ADAMTS16: variants seen among roughly 807,000 people sequenced by gnomAD.
The protein encoded by ADAMTS16 is ADAM metallopeptidase with thrombospondin type 1 motif 16.
ADAMTS16 carries 94 observed loss-of-function variants against 145.8 expected under a neutral mutation model. That is an observed-to-expected ratio of 0.64 (90% CI 0.55 to 0.77). The LOEUF is 0.77. ADAMTS16 is among the 30% of genes least tolerant of loss of function. ADAMTS16 has a pLI of 0.00. For synonymous variants in ADAMTS16, 659 were observed against 604.3 expected (o/e 1.09, Z -1.33); for missense variants, 1,585 against 1,591.5 (o/e 1.00, Z 0.07).
intron 3 of ADAMTS16, among the ~76,000 whole-genome samples, chr5:5,174,991 AT>A (rs1401518784): frequency 6.6e-6 from 1 of 152,196 alleles, no homozygotes; most frequent in East Asian, 1.9e-4. Flanking sequence ...AAAGCCTGGA[AT>A]TGGTACCTAA....
chr5:5,164,063 G>A lies in ADAMTS16; in HGVS notation c.501+17608G>A, dbSNP rs144973966. 3.0e-3 allele frequency among the ~76,000 whole-genome samples: 457 copies of A among 152,344 alleles called. 1 individual carries two copies. Among genetic ancestry groups the A allele is most frequent in the African/African-American group, 0.01 (433 of 41,580 alleles). On this transcript the variant is annotated intron_variant, in intron 3 of 22. Transcript: ENST00000274181. Reference sequence around the variant, plus strand: ...TATTTGGGGAAGGAAGATCTTCTGAGATGATTCCCACAGACAAGAGTTCTG... The same window carrying A: ...TATTTGGGGAAGGAAGATCTTCTGAAATGATTCCCACAGACAAGAGTTCTG...
In ADAMTS16 at chr5:5,303,457, G is replaced by A. The variant is rs750418559; in HGVS notation, c.2979G>A (p.Gly993=). The change falls in exon 19 of 23, where the codon GGG becomes GGA. Residue 993 remains glycine, a synonymous_variant. Transcript: ENST00000274181. The part of the protein sequence containing the change: ...SQSCPPAWSA[G]PWAECSHTCG... Reference sequence around the variant, plus strand: ...GCTGCCCACCTGCATGGAGCGCCGGGCCCTGGGCAGAGGTAACCAGGGTGG... The same window carrying A: ...GCTGCCCACCTGCATGGAGCGCCGGACCCTGGGCAGAGGTAACCAGGGTGG... The A allele has an allele frequency of 2.5e-6, 4 of 1,610,854 alleles. No individual in the cohort carries two copies. In the South Asian group the frequency reaches 4.4e-5, roughly 18 times the overall value.
intron 18 of ADAMTS16, among the ~76,000 whole-genome samples, chr5:5,287,050 C>G (rs991923064): frequency 6.6e-6 from 1 of 151,984 alleles, no homozygotes; most frequent in African/African-American, 2.4e-5. Context: ...GGAACAGGAG[C>G]CAGGAGGTTA....
At chr5:5,212,189 G>A (rs1348920656) in intron 10 of ADAMTS16, among the ~76,000 whole-genome samples, 54 of 98,808 alleles carry the variant, frequency 5.5e-4, no homozygotes, top group African/African-American at 1.5e-3. Flanking sequence ...TAGTTTCTGG[G>A]GTTTTTTTTG....
At chr5:5,186,993 G>A (rs548487731) in intron 5 of ADAMTS16, among the ~76,000 whole-genome samples, 11 of 152,212 alleles carry the variant, frequency 7.2e-5, no homozygotes, top group South Asian at 4.2e-4. Flanking sequence ...GTTATTTTTG[G>A]TAGACTGAAC....
At chr5:5,285,123 A>G (rs1366629761) in intron 18 of ADAMTS16, among the ~76,000 whole-genome samples, 1 of 152,234 alleles carries the variant, frequency 6.6e-6, no homozygotes, top group Non-Finnish European at 1.5e-5. Context: ...TTTAAGATAA[A>G]AAAGAAGTTT....
chr5:5,307,840 T>G (rs530586125), intron 21 of ADAMTS16, among the ~76,000 whole-genome samples: 226 of 152,280 alleles, frequency 1.5e-3, no homozygotes, highest in Middle Eastern at 3.4e-3. Context: ...GAATAGTCAC[T>G]GCACTGGGGT....
rs781549533 is a variant in ADAMTS16 at position 5,222,379 on chromosome 5, C to T, written c.1606-410C>T. On this transcript the variant is annotated intron_variant, in intron 10 of 22. Transcript: ENST00000274181. Reference sequence around the variant, plus strand: ...TGGACAAGTGAACAAGCATCCTAAACATCCTTAATTTAAAAATAAGAATTC... The same window carrying T: ...TGGACAAGTGAACAAGCATCCTAAATATCCTTAATTTAAAAATAAGAATTC... Among the ~76,000 whole-genome samples the T allele has an allele frequency of 2.0e-5, 3 of 151,884 alleles. No homozygotes were observed. The East Asian group carries it at 5.8e-4, about 29-fold the overall frequency.
At chr5:5,272,993 T>A (rs968811724) in intron 18 of ADAMTS16, among the ~76,000 whole-genome samples, 2 of 152,134 alleles carry the variant, frequency 1.3e-5, no homozygotes, top group African/African-American at 4.8e-5. Flanking sequence ...GAAGTAACCA[T>A]GAGGGGCCCT....
chr5:5,171,726 G>A (rs1263374213), intron 3 of ADAMTS16, among the ~76,000 whole-genome samples: 6 of 152,072 alleles, frequency 3.9e-5, no homozygotes, highest in South Asian at 2.1e-4. Context: ...TTGGCTTGTC[G>A]TTTCCTTTTT....
At chr5:5,254,926 G>A (rs4702253) in intron 17 of ADAMTS16, among the ~76,000 whole-genome samples, 4,663 of 152,046 alleles carry the variant, frequency 0.031, 177 homozygotes, top group East Asian at 0.16. Flanking sequence ...TAATAGCTTT[G>A]GTGTTAACTA....
intron 17 of ADAMTS16, among the ~76,000 whole-genome samples, chr5:5,250,214 C>A (rs1190500275): frequency 2.0e-5 from 3 of 152,160 alleles, no homozygotes; most frequent in Non-Finnish European, 2.9e-5. Flanking sequence ...AGGAACCTGC[C>A]ATCTTCTACC....
intron 3 of ADAMTS16, among the ~76,000 whole-genome samples, chr5:5,180,114 C>T (rs531423545): frequency 4.6e-5 from 7 of 152,204 alleles, no homozygotes; most frequent in Admixed American, 3.3e-4. Flanking sequence ...GAACTCTCCC[C>T]GCAACTCCCA....
intron 11 of ADAMTS16, 77 bp downstream of exon 11, chr5:5,222,961 T>C (rs543577639): frequency 1.7e-4 from 215 of 1,270,892 alleles, no homozygotes; most frequent in Admixed American, 6.8e-4. Context: ...TCCTCTTGCA[T>C]AGGTATTTTT....
At chr5:5,217,348 A>T (rs571008378) in intron 10 of ADAMTS16, among the ~76,000 whole-genome samples, 2 of 152,278 alleles carry the variant, frequency 1.3e-5, no homozygotes, top group Non-Finnish European at 2.9e-5. Context: ...AAAATTGACA[A>T]ATGGGATCTA....
At chr5:5,302,183 C>A (rs1294722859) in intron 18 of ADAMTS16, among the ~76,000 whole-genome samples, 1 of 152,186 alleles carries the variant, frequency 6.6e-6, no homozygotes, top group Admixed American at 6.5e-5. Context: ...TAGACACACT[C>A]AGGCACAGTG....
chr5:5,151,162 C>T (rs2560419), intron 3 of ADAMTS16, among the ~76,000 whole-genome samples: 39,103 of 151,716 alleles, frequency 0.26, 5,525 homozygotes, highest in Admixed American at 0.43. Flanking sequence ...AATGTACCTT[C>T]ATTCAAATTC....
At chr5:5,176,477 T>C (rs1735198874) in intron 3 of ADAMTS16, among the ~76,000 whole-genome samples, 1 of 152,186 alleles carries the variant, frequency 6.6e-6, no homozygotes, top group Admixed American at 6.5e-5. Flanking sequence ...ATTTAATTAA[T>C]GTCCAGGTGA....
At chr5:5,187,207 C>T (rs970061422) in intron 5 of ADAMTS16, among the ~76,000 whole-genome samples, 4 of 152,220 alleles carry the variant, frequency 2.6e-5, no homozygotes, top group East Asian at 1.9e-4. Flanking sequence ...CCATGGTGGA[C>T]GTGCTGTTCC....
Sources: allele counts gnomAD v4.1 joint callset (sites outside exome capture counted in the v4.1 genomes callset), GRCh38; gene constraint gnomAD v4.1.1; transcripts MANE v1.5; gene names NCBI Gene and HGNC (gene_info 2026-07-23, HGNC 2026-07-21).